Variants in GLO1 observed in about 807,000 individuals in gnomAD.
GLO1 encodes the protein lactoylglutathione lyase.
In GLO1, 28 loss-of-function variants were observed where a neutral mutation model predicts 26.0. That is an observed-to-expected ratio of 1.08 (90% CI 0.80 to 1.48). The LOEUF (loss-of-function observed/expected upper bound fraction) is 1.48, where lower values mean the gene tolerates loss of function less well. GLO1 is among the 40% of genes most tolerant of loss of function. The pLI, the probability that GLO1 is intolerant of heterozygous loss-of-function variation, is 0.00. For synonymous variants in GLO1, 78 were observed against 77.6 expected (o/e 1.00, Z -0.03); for missense variants, 225 against 224.8 (o/e 1.00, Z -0.01).
intron 5 of GLO1, 75 bp from the exon 6 acceptor site, chr6:38,677,458 A>T: frequency 1.3e-6 from 1 of 752,814 alleles, no homozygotes; most frequent in East Asian, 2.5e-5. Flanking sequence ...TTTCTTTGAG[A>T]CAAGGTCTTG....
intron 1 of GLO1, among the ~76,000 whole-genome samples, chr6:38,700,289 A>C (rs9470917): frequency 0.093 from 14,170 of 152,202 alleles, 1,578 homozygotes; most frequent in African/African-American, 0.25. Flanking sequence ...AATCCTACCC[A>C]ATCTATCAAG....
In GLO1 at chr6:38,678,253, C is replaced by T. The variant is rs1008506474; in HGVS notation, c.467-870G>A. Among the ~76,000 whole-genome samples, 8 of 151,756 alleles carry T rather than the reference C, an allele frequency of 5.3e-5. No homozygotes were observed. The East Asian group carries it at 1.5e-3, about 29-fold the overall frequency. ...TGAATTGGTTTGACTCTTATCTCTG[C>T]CTCCTTTCTCCAAGATCAATCCTAG... On this transcript the variant is annotated intron_variant, in intron 5 of 5. Transcript: ENST00000373365.
At chr6:38,692,075 C>A (rs1761539093) in intron 1 of GLO1, among the ~76,000 whole-genome samples, 1 of 138,880 alleles carries the variant, frequency 7.2e-6, no homozygotes, top group Non-Finnish European at 1.5e-5. Flanking sequence ...TCTAGAATAA[C>A]CCTGTCTCTG....
intron 2 of GLO1, among the ~76,000 whole-genome samples, 177 bp downstream of exon 2, chr6:38,686,715 T>C (rs112607779): frequency 6.6e-6 from 1 of 152,154 alleles, no homozygotes; most frequent in Non-Finnish European, 1.5e-5. Context: ...CTGGCTGGGA[T>C]AGAGAAGAAA....
At chr6:38,687,199 A>T (rs1345363737) in intron 1 of GLO1, 9 of 601,832 alleles carry the variant, frequency 1.5e-5, no homozygotes, top group Middle Eastern at 8.3e-4. Context: ...AATGGTCGAT[A>T]AAAAACCTGG....
At chr6:38,691,891 A>G (rs72856542) in intron 1 of GLO1, among the ~76,000 whole-genome samples, 1,638 of 152,300 alleles carry the variant, frequency 0.011, 14 homozygotes, top group Middle Eastern at 0.024. Context: ...TGTTGGGCAT[A>G]CTAGTGTGGG....
chr6:38,687,763 C>G (rs1761477292), intron 1 of GLO1, among the ~76,000 whole-genome samples: 1 of 152,152 alleles, frequency 6.6e-6, no homozygotes, highest in African/African-American at 2.4e-5. Context: ...GATATTCATA[C>G]CCCATGTTGT....
chr6:38,699,743 C>T (rs188998948), intron 1 of GLO1, among the ~76,000 whole-genome samples: 148 of 152,264 alleles, frequency 9.7e-4, no homozygotes, highest in African/African-American at 3.3e-3. Flanking sequence ...GAAAAAACTT[C>T]ACCCTAGTAA....
At chr6:38,685,319 GGAGA>G (rs1761447320) in intron 2 of GLO1, among the ~76,000 whole-genome samples, 1 of 152,164 alleles carries the variant, frequency 6.6e-6, no homozygotes, top group Non-Finnish European at 1.5e-5. Flanking sequence ...GAGACTGATG[GGAGA>G]GAGAGTGAAT....
chr6:38,690,508 A>C (rs1282949131), intron 1 of GLO1, among the ~76,000 whole-genome samples: 1 of 152,210 alleles, frequency 6.6e-6, no homozygotes, highest in African/African-American at 2.4e-5. Flanking sequence ...TGGCATGGGA[A>C]TATATAAAAT....
At chr6:38,699,174 C>T (rs955249304) in intron 1 of GLO1, among the ~76,000 whole-genome samples, 1 of 152,072 alleles carries the variant, frequency 6.6e-6, no homozygotes, top group Non-Finnish European at 1.5e-5. Flanking sequence ...TCAGGGACCC[C>T]GAATGGAGGG....
intron 1 of GLO1, among the ~76,000 whole-genome samples, chr6:38,688,949 AAGT>A (rs913172347): frequency 2.0e-5 from 3 of 152,188 alleles, no homozygotes; most frequent in Non-Finnish European, 4.4e-5. Flanking sequence ...CGCGCAAAGA[AAGT>A]AGAAGAGGAG....
chr6:38,682,057 T>C lies in GLO1; in HGVS notation c.421A>G (p.Arg141Gly). The change falls in exon 5 of 6, where the codon AGG (arginine) becomes GGG (glycine). Residue 141 changes from arginine (R) to glycine (G), a missense_variant. Transcript: ENST00000373365. ...AVPDVYSACK[R>G]FEELGVKFVK... ...AATTTGACTCCCAGTTCTTCAAACC[T>C]TTTACAAGCACTGTATACATCAGGA... 6.3e-7 allele frequency: 1 copy of C among 1,596,800 alleles called. No homozygotes were observed.
intron 1 of GLO1, among the ~76,000 whole-genome samples, chr6:38,693,685 C>CTCTCTCTCTCTCTCTATATA (rs869232489): frequency 3.9e-3 from 335 of 86,234 alleles, no homozygotes; most frequent in Non-Finnish European, 6.3e-3. Flanking sequence ...CTCTCTCTCT[C>CTCTCTCTCTCTCTCTATATA]TATATATATA....
At chr6:38,684,805 A>C (rs1761438762) in intron 2 of GLO1, among the ~76,000 whole-genome samples, 1 of 152,240 alleles carries the variant, frequency 6.6e-6, no homozygotes, top group Non-Finnish European at 1.5e-5. Context: ...GGCTATCTCC[A>C]AAAGAGAACT....
At chr6:38,684,620 T>A in intron 2 of GLO1, 106 bp from the exon 3 acceptor site, 1 of 614,744 alleles carries the variant, frequency 1.6e-6, no homozygotes, top group Non-Finnish European at 2.4e-6. Flanking sequence ...AGAAGAGCTA[T>A]ATGTAGTAAG....
intron 1 of GLO1, among the ~76,000 whole-genome samples, chr6:38,689,854 G>A (rs753822504): frequency 6.6e-6 from 1 of 151,972 alleles, no homozygotes; most frequent in Non-Finnish European, 1.5e-5. Context: ...TTGAGATAGA[G>A]TCTCCCTCTG....
chr6:38,698,587 T>C (rs776967333), intron 1 of GLO1, among the ~76,000 whole-genome samples: 41 of 150,242 alleles, frequency 2.7e-4, no homozygotes, highest in Admixed American at 9.3e-4. Flanking sequence ...GTCTACTGTA[T>C]TAGTGGAGAC....
At chr6:38,699,019 T>C (rs1255460102) in intron 1 of GLO1, among the ~76,000 whole-genome samples, 1 of 152,190 alleles carries the variant, frequency 6.6e-6, no homozygotes, top group Non-Finnish European at 1.5e-5. Context: ...CACTCAAAGC[T>C]GTCTCCACAA....
Sources: allele counts gnomAD v4.1 joint callset (sites outside exome capture counted in the v4.1 genomes callset), GRCh38; gene constraint gnomAD v4.1.1; transcripts MANE v1.5; gene names NCBI Gene and HGNC (gene_info 2026-07-23, HGNC 2026-07-21).